Variants in OSBPL8 observed in about 807,000 individuals in gnomAD.
The protein encoded by OSBPL8 is oxysterol-binding protein-related protein 8.
OSBPL8 carries 59 observed loss-of-function variants against 125.5 expected under a neutral mutation model. That is an observed-to-expected ratio of 0.47 (90% confidence interval 0.38 to 0.58). The LOEUF (loss-of-function observed/expected upper bound fraction) is 0.58. Among genes scored for constraint, OSBPL8 ranks in the 20% least tolerant of loss-of-function variants. OSBPL8 has a pLI of 0.00. For missense variants in OSBPL8, 758 were observed against 1,047.8 expected (o/e 0.72, Z 3.82); for synonymous variants, 330 against 338.9 (o/e 0.97, Z 0.29).
intron 1 of OSBPL8, among the ~76,000 whole-genome samples, chr12:76,517,166 T>C (rs1488174718): frequency 6.6e-6 from 1 of 152,216 alleles, no homozygotes; most frequent in East Asian, 1.9e-4. Context: ...GGCTTTGTGA[T>C]GACACACCAA....
At chr12:76,545,634 T>C (rs1950762933) in intron 1 of OSBPL8, among the ~76,000 whole-genome samples, 1 of 152,204 alleles carries the variant, frequency 6.6e-6, no homozygotes, top group African/African-American at 2.4e-5. Flanking sequence ...AATGAGCATC[T>C]GAGTGCCTAA....
chr12:76,379,285 T>C (rs990605795), intron 15 of OSBPL8, among the ~76,000 whole-genome samples: 3 of 152,178 alleles, frequency 2.0e-5, no homozygotes, highest in African/African-American at 7.2e-5. Flanking sequence ...AAAAAATATA[T>C]ATAAAGCACC....
chr12:76,479,732 T>C (rs1877243851), intron 2 of OSBPL8, among the ~76,000 whole-genome samples: 1 of 152,168 alleles, frequency 6.6e-6, no homozygotes, highest in African/African-American at 2.4e-5. Flanking sequence ...AAAATTCATA[T>C]TGTAGAAAAC....
chr12:76,441,192 T>G (rs1872142210), intron 4 of OSBPL8, among the ~76,000 whole-genome samples: 1 of 152,176 alleles, frequency 6.6e-6, no homozygotes, highest in Non-Finnish European at 1.5e-5. Context: ...GCAGGCTAAA[T>G]GAAAGTCAGC....
intron 18 of OSBPL8, among the ~76,000 whole-genome samples, chr12:76,372,661 A>T (rs1438487261): frequency 6.6e-6 from 1 of 152,190 alleles, no homozygotes; most frequent in Non-Finnish European, 1.5e-5. Flanking sequence ...AGGAGCATAT[A>T]CTCAGTGCTC....
At chr12:76,548,590 T>A (rs1207265599) in intron 1 of OSBPL8, among the ~76,000 whole-genome samples, 1 of 151,820 alleles carries the variant, frequency 6.6e-6, no homozygotes, top group African/African-American at 2.4e-5. Flanking sequence ...TAAGCGGAGG[T>A]GTGGCACAGA....
chr12:76,443,031 T>C (rs74103453), intron 4 of OSBPL8, among the ~76,000 whole-genome samples: 6,940 of 152,248 alleles, frequency 0.046, 572 homozygotes, highest in African/African-American at 0.16. Flanking sequence ...TAAGAGAACG[T>C]ACTAAGGGAT....
rs560806493 is a variant in OSBPL8 at position 76,365,799 on chromosome 12, T to C, written c.2328+3415A>G. On this transcript the variant is annotated intron_variant, in intron 21 of 23. Coordinates refer to ENST00000261183, the MANE Select transcript of OSBPL8 (RefSeq NM_020841.5). ...CTAGATTTATGAGGTCTTTCTTTTGTTTATGAAAGGGTGATGGATTTTGTC... is the reference window on the plus strand; with the variant it reads ...CTAGATTTATGAGGTCTTTCTTTTGCTTATGAAAGGGTGATGGATTTTGTC... Among the ~76,000 whole-genome samples, 53 of 152,322 alleles carry C rather than the reference T, an allele frequency of 3.5e-4. 1 individual carries two copies. The highest frequency in any genetic ancestry group is 3.4e-3 in the Middle Eastern group (1 of 294).
chr12:76,441,314 T>C (rs544177659), intron 4 of OSBPL8, among the ~76,000 whole-genome samples: 36 of 152,302 alleles, frequency 2.4e-4, no homozygotes, highest in Admixed American at 1.1e-3. Flanking sequence ...TTTCATTGTT[T>C]CATTCTTAAA....
At chr12:76,549,275 G>C (rs1211542234) in intron 1 of OSBPL8, among the ~76,000 whole-genome samples, 1 of 152,130 alleles carries the variant, frequency 6.6e-6, no homozygotes, top group Non-Finnish European at 1.5e-5. Context: ...TGAGTATCTA[G>C]ACAAACAGCC....
At chr12:76,405,267 T>C (rs2136379345) in intron 5 of OSBPL8, among the ~76,000 whole-genome samples, 1 of 152,206 alleles carries the variant, frequency 6.6e-6, no homozygotes, top group South Asian at 2.1e-4. Flanking sequence ...AAAACCGGCC[T>C]GGGCAACATG....
chr12:76,415,811 A>G (rs1868577877), intron 4 of OSBPL8, among the ~76,000 whole-genome samples: 1 of 152,184 alleles, frequency 6.6e-6, no homozygotes, highest in Non-Finnish European at 1.5e-5. Flanking sequence ...GATTTGCAGT[A>G]ACACTCTTTT....
intron 1 of OSBPL8, among the ~76,000 whole-genome samples, chr12:76,495,577 A>G (rs781034018): frequency 2.6e-5 from 4 of 152,222 alleles, no homozygotes; most frequent in Non-Finnish European, 5.9e-5. Flanking sequence ...AATATTATGC[A>G]AGTCTGATAC....
rs11395533 is a variant in OSBPL8, at chr12:76,553,976, C to CAAAA, written c.-68+5417_-68+5420dup. 1.7e-3 allele frequency among the ~76,000 whole-genome samples: 164 copies of CAAAA among 95,416 alleles called. 1 individual carries two copies. The highest frequency in any genetic ancestry group is 4.7e-3 in the African/African-American group (111 of 23,826). The allele number at this position is 95,416 out of a possible 152,430, so 62.6% of individuals were successfully genotyped here. Reference sequence around the variant, plus strand: ...TAGGTGACACAGTGAGACTCTATCTCAAAAAAAAAAAAAAAAAAACACTAA... The same window carrying CAAAA: ...TAGGTGACACAGTGAGACTCTATCTCAAAAAAAAAAAAAAAAAAAAAAACACTAA... On this transcript the variant is annotated intron_variant, in intron 1 of 23. Coordinates refer to ENST00000261183, the MANE Select transcript of OSBPL8 (RefSeq NM_020841.5).
chr12:76,504,400 G>T (rs1880213181), intron 1 of OSBPL8, among the ~76,000 whole-genome samples: 1 of 152,220 alleles, frequency 6.6e-6, no homozygotes, highest in Middle Eastern at 3.4e-3. Context: ...TAAAAGCACG[G>T]AAACTACATT....
intron 4 of OSBPL8, among the ~76,000 whole-genome samples, chr12:76,438,755 A>G (rs565761480): frequency 6.6e-6 from 1 of 152,190 alleles, no homozygotes; most frequent in South Asian, 2.1e-4. Flanking sequence ...TTCTTTGTTA[A>G]AGTGTTAAGT....
chr12:76,427,654 CAATTT>C (rs1390662902), intron 4 of OSBPL8, among the ~76,000 whole-genome samples: 10 of 151,890 alleles, frequency 6.6e-5, no homozygotes. Context: ...TTTGTGATTT[CAATTT>C]AATTTCAGAA....
At chr12:76,487,449 C>T in intron 2 of OSBPL8, 61 bp downstream of exon 2, 3 of 1,408,970 alleles carry the variant, frequency 2.1e-6, no homozygotes, top group South Asian at 1.3e-5. Flanking sequence ...AAAACCCTAG[C>T]TTACATCAAA....
At chr12:76,402,546 T>G in intron 6 of OSBPL8, 143 bp downstream of exon 6, 1 of 658,012 alleles carries the variant, frequency 1.5e-6, no homozygotes, top group Admixed American at 3.0e-5. Flanking sequence ...ATTAACATTT[T>G]CTATGTGTGC....
Sources: gnomAD v4.1 joint callset for allele counts (sites outside exome capture counted in the v4.1 genomes callset) on GRCh38, gnomAD v4.1.1 for gene constraint, MANE v1.5 for transcripts, NCBI Gene and HGNC (gene_info 2026-07-23, HGNC 2026-07-21) for gene names.